GALNT18: variants seen among roughly 807,000 people sequenced by gnomAD.
GALNT18 encodes the protein polypeptide N-acetylgalactosaminyltransferase 18, also known as GalNAc-transferase 18.
Under a neutral mutation model 69.5 loss-of-function variants are expected in GALNT18, and 44 were observed. The observed-to-expected ratio is 0.63, with a 90% CI of 0.50 to 0.81. GALNT18 has a LOEUF of 0.81. Ranked by LOEUF, GALNT18 falls within the 40% of genes least tolerant of loss-of-function variation. The pLI, the probability that GALNT18 is intolerant of heterozygous loss-of-function variation, is 0.00. For missense variants in GALNT18, 715 were observed against 810.0 expected, an observed-to-expected ratio of 0.88 and a Z score of 1.42; for synonymous variants, 364 against 318.2, an observed-to-expected ratio of 1.14 and a Z score of -1.53.
intron 1 of GALNT18, among the ~76,000 whole-genome samples, chr11:11,504,872 G>A (rs544490600): frequency 1.3e-5 from 2 of 152,264 alleles, no homozygotes; most frequent in South Asian, 2.1e-4. Flanking sequence ...GTTTGCCTTG[G>A]ATGACTCAGA....
At position 11,586,933 on chromosome 11, in the gene GALNT18, A is replaced by G. The variant is rs1387685411; in HGVS notation, c.235+34426T>C. Reference sequence around the variant, plus strand: ...AACCCAGGAGGCGGAGGGTGCAGTGAGCCGAGATCGTGTCAAAGCACTCCA... The same window carrying G: ...AACCCAGGAGGCGGAGGGTGCAGTGGGCCGAGATCGTGTCAAAGCACTCCA... On this transcript the variant is annotated intron_variant, in intron 1 of 10. Coordinates refer to ENST00000227756, the MANE Select transcript of GALNT18 (RefSeq NM_198516.3). This position sits in a 1 kb window ranked among gnomAD's most constrained non-coding sequence, Gnocchi z 4.1. Among the ~76,000 whole-genome samples the G allele has an allele frequency of 6.6e-6, 1 of 152,170 alleles. No homozygotes were observed. Among genetic ancestry groups the G allele is most frequent in the Non-Finnish European group, 1.5e-5 (1 of 68,014 alleles).
At chr11:11,386,825 C>T (rs1854070261) in intron 3 of GALNT18, among the ~76,000 whole-genome samples, 1 of 152,200 alleles carries the variant, frequency 6.6e-6, no homozygotes, top group Non-Finnish European at 1.5e-5. Flanking sequence ...AGAGTCCATA[C>T]TGTCCACCTC....
Position 11,543,500 on chromosome 11 carries a change from G to C in GALNT18, c.235+77859C>G, listed in dbSNP as rs568761905. Among the ~76,000 whole-genome samples, 7 of 152,312 alleles carry C rather than the reference G, an allele frequency of 4.6e-5. No homozygotes were observed. Among genetic ancestry groups the C allele is most frequent in the Non-Finnish European group, 8.8e-5 (6 of 68,032 alleles). ...CCACCGTCCCCACCACCCACCAAGA[G>C]CCTGGCTTCTGCACAGGACACCATT... is the stretch of plus-strand genomic sequence containing the variant. On this transcript the variant is annotated intron_variant, in intron 1 of 10. Coordinates refer to ENST00000227756, the MANE Select transcript of GALNT18 (RefSeq NM_198516.3). The surrounding 1 kb of genome is among the most constrained non-coding windows in gnomAD (Gnocchi z 5.1).
At chr11:11,426,289 G>A (rs1434853090) in intron 3 of GALNT18, among the ~76,000 whole-genome samples, 5 of 152,178 alleles carry the variant, frequency 3.3e-5, no homozygotes, top group South Asian at 2.1e-4. Context: ...CAAGGACCCC[G>A]GCCCAGGAAG....
chr11:11,352,102 G>C, intron 6 of GALNT18: 1 of 1,613,600 alleles, frequency 6.2e-7, no homozygotes, highest in African/African-American at 1.3e-5. Flanking sequence ...CTGCCCCCTG[G>C]CATGCTAGAT....
In GALNT18 at chr11:11,435,387, C is replaced by T. The variant is rs1855375719; in HGVS notation, c.429-2600G>A. Among the ~76,000 whole-genome samples the T allele has an allele frequency of 6.6e-6, 1 of 152,228 alleles. No individual in the cohort carries two copies. Among genetic ancestry groups the T allele is most frequent in the Non-Finnish European group, 1.5e-5 (1 of 68,048 alleles). On this transcript the variant is annotated intron_variant, in intron 2 of 10. Coordinates refer to ENST00000227756, the MANE Select transcript of GALNT18 (RefSeq NM_198516.3). This position sits in a 1 kb window ranked among gnomAD's most constrained non-coding sequence, Gnocchi z 4.4. ...GGAAGCTGGTCTCCGGATGGTCTTT[C>T]TCCACGCAGAATGAAATGCTGTATT...
At chr11:11,316,975 TGATTGATTGAATAAAG>T (rs2133035430) in intron 9 of GALNT18, among the ~76,000 whole-genome samples, 1 of 152,212 alleles carries the variant, frequency 6.6e-6, no homozygotes, top group East Asian at 1.9e-4. Context: ...AATGAATGAG[TGATTGATTGAATAAAG>T]ACCTGGTGGG....
At position 11,293,141 on chromosome 11, in the gene GALNT18, G is replaced by T. The variant is rs772824227; in HGVS notation, c.1565C>A (p.Thr522Asn). 2.9e-6 allele frequency: 4 copies of T among 1,360,652 alleles called. No individual in the cohort carries two copies. In the Admixed American group the frequency reaches 1.2e-4, roughly 40 times the overall value. The allele number at this position is 1,360,652 out of a possible 1,614,324, so 84.3% of individuals were successfully genotyped here. Residue 522 changes from threonine (T) to asparagine (N), a missense_variant, in exon 10 of 11, where the codon ACC becomes AAC. By Grantham distance (65) the Thr-to-Asn change is moderately conservative. Coordinates refer to ENST00000227756, the MANE Select transcript of GALNT18 (RefSeq NM_198516.3). ...QQIHVGILSP[T>N]VDDDDNRCLV... ...GCATCGGTTGTCATCATCATCCACG[G>T]TGGGGCTCAGAATGCCCACATGGAT...
chr11:11,485,882 G>C (rs1225265041), intron 1 of GALNT18, among the ~76,000 whole-genome samples: 1 of 152,202 alleles, frequency 6.6e-6, no homozygotes, highest in Non-Finnish European at 1.5e-5. Flanking sequence ...GAACTTGGAG[G>C]CTTCTGGAGC....
In GALNT18 at chr11:11,415,727, G is replaced by A. The variant is rs146329991; in HGVS notation, c.595+16894C>T. On this transcript the variant is annotated intron_variant, in intron 3 of 10. Transcript: ENST00000227756. This position sits in a 1 kb window ranked among gnomAD's most constrained non-coding sequence, Gnocchi z 4.1. ...ATCTATCTCCCACCCACACCTATGC[G>A]TCTTCCCACCCATGCATCCATGCAT... Among the ~76,000 whole-genome samples the A allele has an allele frequency of 2.6e-5, 4 of 152,210 alleles. No homozygotes were observed. The highest frequency in any genetic ancestry group is 7.2e-5 in the African/African-American group (3 of 41,518).
At chr11:11,384,198 G>A (rs1308431244) in intron 3 of GALNT18, among the ~76,000 whole-genome samples, 2 of 152,112 alleles carry the variant, frequency 1.3e-5, no homozygotes, top group African/African-American at 4.8e-5. Flanking sequence ...CTAACCCCCA[G>A]TGTGATGGTA....
intron 3 of GALNT18, among the ~76,000 whole-genome samples, chr11:11,406,746 A>C (rs1355926540): frequency 6.6e-6 from 1 of 152,246 alleles, no homozygotes; most frequent in Non-Finnish European, 1.5e-5. Flanking sequence ...ATCAGAATAC[A>C]TGGGAGATGC....
At position 11,542,403 on chromosome 11, in the gene GALNT18, T is replaced by C. The variant is rs1226593046; in HGVS notation, c.235+78956A>G. On this transcript the variant is annotated intron_variant, in intron 1 of 10. Transcript: ENST00000227756. This position sits in a 1 kb window ranked among gnomAD's most constrained non-coding sequence, Gnocchi z 4.3. ...TCCATGTTGTCTACATGTTTCTTTA[T>C]ATATCTGTCTCCACCCTGTACCACC... Among the ~76,000 whole-genome samples, 3 of 152,336 alleles carry C rather than the reference T, an allele frequency of 2.0e-5. No homozygotes were observed. In the South Asian group the frequency reaches 6.2e-4, roughly 32 times the overall value.
intron 3 of GALNT18, among the ~76,000 whole-genome samples, chr11:11,429,862 A>G (rs1013393251): frequency 2.0e-5 from 3 of 152,180 alleles, no homozygotes; most frequent in Admixed American, 6.5e-5. Context: ...TTTTAAGACC[A>G]GTCTCAGTGG....
At chr11:11,490,228 CTCTCTA>C (rs371529652) in intron 1 of GALNT18, among the ~76,000 whole-genome samples, 21 of 61,138 alleles carry the variant, frequency 3.4e-4, no homozygotes, top group African/African-American at 5.8e-4. Context: ...CTCTCTCTCT[CTCTCTA>C]ACACACACAC....
chr11:11,465,446 C>T lies in GALNT18; in HGVS notation c.236-16510G>A, dbSNP rs73404097. The stretch of plus-strand genomic sequence containing the variant: ...GTGCTGCTCCTCCAGGCTGCACGGA[C>T]GGTGTCACGCTGCCCTCTGATCCTG... On this transcript the variant is annotated intron_variant, in intron 1 of 10. Coordinates refer to ENST00000227756, the MANE Select transcript of GALNT18 (RefSeq NM_198516.3). This position sits in a 1 kb window ranked among gnomAD's most constrained non-coding sequence, Gnocchi z 5.7. Among the ~76,000 whole-genome samples the T allele has an allele frequency of 0.1, 15,788 of 152,138 alleles. 898 individuals carry two copies. Among genetic ancestry groups the T allele is most frequent in the Non-Finnish European group, 0.12 (8,150 of 67,998 alleles).
At chr11:11,392,944 T>C (rs529796283) in intron 3 of GALNT18, among the ~76,000 whole-genome samples, 31 of 152,194 alleles carry the variant, frequency 2.0e-4, no homozygotes, top group Non-Finnish European at 4.4e-4. Flanking sequence ...CAGTCAGACT[T>C]TGCCATCTTT....
At chr11:11,607,480 A>G (rs1859784226) in intron 1 of GALNT18, among the ~76,000 whole-genome samples, 1 of 152,250 alleles carries the variant, frequency 6.6e-6, no homozygotes, top group Non-Finnish European at 1.5e-5. Context: ...GATAAGTGCT[A>G]TAAAAAAGTA....
At chr11:11,405,789 T>C (rs1453201809) in intron 3 of GALNT18, among the ~76,000 whole-genome samples, 1 of 152,198 alleles carries the variant, frequency 6.6e-6, no homozygotes, top group African/African-American at 2.4e-5. Flanking sequence ...AAAGTCAAGA[T>C]TACTCATGCA....
Sources: allele counts gnomAD v4.1 joint callset (sites outside exome capture counted in the v4.1 genomes callset), GRCh38; gene constraint gnomAD v4.1.1; non-coding constraint Gnocchi (gnomAD v3.1); transcripts MANE v1.5; gene names NCBI Gene and HGNC (gene_info 2026-07-23, HGNC 2026-07-21).